GPR137B: variants seen among roughly 807,000 people sequenced by gnomAD.
GPR137B encodes the protein G protein-coupled receptor 137B.
Under a neutral mutation model 42.5 loss-of-function variants are expected in GPR137B, and 42 were observed. The observed-to-expected ratio is 0.99, with a 90% CI of 0.77 to 1.28. GPR137B has a LOEUF of 1.28. Ranked by LOEUF, GPR137B falls within the 50% of genes most tolerant of loss-of-function variation. The pLI is 0.00. For synonymous variants in GPR137B, 218 were observed against 209.7 expected, an observed-to-expected ratio of 1.04 and a Z score of -0.34; for missense variants, 487 against 493.9, an observed-to-expected ratio of 0.99 and a Z score of 0.13.
At chr1:236,203,334 C>T (rs1663554614) in intron 5 of GPR137B, among the ~76,000 whole-genome samples, 1 of 152,136 alleles carries the variant, frequency 6.6e-6, no homozygotes, top group African/African-American at 2.4e-5. Flanking sequence ...GCCTCAGCCT[C>T]CCAAAGTGCT....
Position 236,205,165 on chromosome 1 carries a change from A to G in GPR137B, c.1006A>G (p.Arg336Gly). The part of the protein sequence containing the change: ...GMVPSHGFSP[R>G]SYFFDNPRRY... ...GGTCCCCAGCCATGGATTCAGTCCCAGATCTTATTTCTTTGACAACCCTCG... is the reference window on the plus strand; with the variant it reads ...GGTCCCCAGCCATGGATTCAGTCCCGGATCTTATTTCTTTGACAACCCTCG... Residue 336 changes from arginine (R) to glycine (G), a missense_variant, in exon 6 of 7, where the codon AGA becomes GGA. Transcript: ENST00000366592. 1 of 1,613,192 alleles carries G rather than the reference A, an allele frequency of 6.2e-7. No homozygotes were observed. Among genetic ancestry groups the G allele is most frequent in the Non-Finnish European group, 8.5e-7 (1 of 1,179,152 alleles).
chr1:236,171,178 G>GT lies in GPR137B; in HGVS notation c.464+2424dup, dbSNP rs1283617131. ...TTTTGACTGCAATCCATCACATGAA[G>GT]TCAGGTGTGGAATTCTCCAGTTGTG... On this transcript the variant is annotated intron_variant, in intron 2 of 6. Transcript: ENST00000366592. This position sits in a 1 kb window ranked among gnomAD's most constrained non-coding sequence, Gnocchi z 4.4. Among the ~76,000 whole-genome samples the GT allele has an allele frequency of 6.6e-6, 1 of 152,188 alleles. No homozygotes were observed. Among genetic ancestry groups the GT allele is most frequent in the Non-Finnish European group, 1.5e-5 (1 of 68,038 alleles).
At chr1:236,165,470 G>A (rs563148691) in intron 1 of GPR137B, among the ~76,000 whole-genome samples, 51 of 152,312 alleles carry the variant, frequency 3.3e-4, no homozygotes, top group African/African-American at 1.2e-3. Context: ...GGCTAGAATG[G>A]TGAACTCCAG....
intron 1 of GPR137B, among the ~76,000 whole-genome samples, chr1:236,164,656 G>T (rs932950737): frequency 1.3e-5 from 2 of 152,106 alleles, no homozygotes; most frequent in Non-Finnish European, 2.9e-5. Flanking sequence ...TGAAAACTTG[G>T]TTTATGCCCT....
chr1:236,148,110 G>A (rs972021381), intron 1 of GPR137B, among the ~76,000 whole-genome samples: 2 of 152,224 alleles, frequency 1.3e-5, no homozygotes, highest in African/African-American at 2.4e-5. Flanking sequence ...CCTGTTCTAA[G>A]CGCTGTGTCA....
At chr1:236,168,672 G>A in intron 1 of GPR137B, 34 bp from the exon 2 acceptor site, 1 of 1,576,858 alleles carries the variant, frequency 6.3e-7, no homozygotes, top group South Asian at 1.1e-5. Flanking sequence ...CAACATATTG[G>A]ACCCCAACCT....
At chr1:236,149,333 G>A (rs549540282) in intron 1 of GPR137B, among the ~76,000 whole-genome samples, 105 of 152,284 alleles carry the variant, frequency 6.9e-4, no homozygotes, top group African/African-American at 2.4e-3. Flanking sequence ...CCGACCAGAG[G>A]AGGAAATTCT....
At chr1:236,181,555 A>T (rs12066706) in intron 4 of GPR137B, among the ~76,000 whole-genome samples, 2,033 of 152,312 alleles carry the variant, frequency 0.013, 53 homozygotes, top group African/African-American at 0.047. Context: ...TGAATACCTA[A>T]CCATCTATAA....
intron 2 of GPR137B, among the ~76,000 whole-genome samples, chr1:236,174,889 T>C (rs1330058875): frequency 6.6e-6 from 1 of 152,102 alleles, no homozygotes; most frequent in East Asian, 1.9e-4. Context: ...ACATGCTGGC[T>C]TGAGGGGGCA....
intron 4 of GPR137B, among the ~76,000 whole-genome samples, chr1:236,180,792 A>G (rs893260180): frequency 9.9e-5 from 15 of 151,754 alleles, no homozygotes; most frequent in African/African-American, 3.6e-4. Context: ...AATTTTTTGT[A>G]TTTTTAGTAG....
intron 1 of GPR137B, among the ~76,000 whole-genome samples, chr1:236,163,260 A>G (rs556605948): frequency 2.0e-5 from 3 of 152,302 alleles, no homozygotes; most frequent in African/African-American, 7.2e-5. Context: ...TATTTACCCA[A>G]TGCCTGTATC....
intron 6 of GPR137B, among the ~76,000 whole-genome samples, chr1:236,206,849 G>A (rs1663677284): frequency 6.6e-6 from 1 of 152,222 alleles, no homozygotes; most frequent in Non-Finnish European, 1.5e-5. Context: ...GGGGTGAGAG[G>A]AGCCAAAAGG....
chr1:236,157,247 C>T (rs1278041488), intron 1 of GPR137B, among the ~76,000 whole-genome samples: 4 of 140,162 alleles, frequency 2.9e-5, no homozygotes, highest in East Asian at 2.2e-4. Flanking sequence ...TTTTTTGAGA[C>T]GGAGTCCCGC....
chr1:236,145,441 C>G (rs1661655692), intron 1 of GPR137B, among the ~76,000 whole-genome samples: 1 of 152,202 alleles, frequency 6.6e-6, no homozygotes, highest in South Asian at 2.1e-4. Context: ...TCACTGCAGC[C>G]TCCGCCTCCC....
intron 1 of GPR137B, among the ~76,000 whole-genome samples, chr1:236,159,081 T>C (rs1327635316): frequency 6.6e-6 from 1 of 152,028 alleles, no homozygotes; most frequent in Non-Finnish European, 1.5e-5. Context: ...GAGGCCGAGA[T>C]GGGAGGATCA....
At position 236,142,734 on chromosome 1, in the gene GPR137B, C is replaced by A. The variant is rs913969654; in HGVS notation, c.112C>A (p.Pro38Thr). The change falls in exon 1 of 7, where the codon CCC (proline) becomes ACC (threonine). Residue 38 changes from proline to threonine, a missense_variant. Pro to Thr is a conservative substitution (Grantham distance 38). Coordinates refer to ENST00000366592, the MANE Select transcript of GPR137B (RefSeq NM_003272.4). ...GCCGCCCACGCTGACCCCGGCCGTG[C>A]CCCCCTACGTGAAGCTTGGCCTCAC... Reference protein sequence around the residue: ...SLPPTLTPAVPPYVKLGLTVV... With the variant: ...SLPPTLTPAVTPYVKLGLTVV... The A allele has an allele frequency of 2.5e-6, 4 of 1,609,618 alleles. No individual in the cohort carries two copies. The highest frequency in any genetic ancestry group is 2.5e-6 in the Non-Finnish European group (3 of 1,179,040).
chr1:236,149,305 C>T (rs1661770461), intron 1 of GPR137B, among the ~76,000 whole-genome samples: 1 of 152,190 alleles, frequency 6.6e-6, no homozygotes, highest in African/African-American at 2.4e-5. Flanking sequence ...GCAGCCCAGC[C>T]CCTCCTTTGC....
chr1:236,180,988 G>T (rs12071086), intron 4 of GPR137B, among the ~76,000 whole-genome samples: 11,588 of 152,188 alleles, frequency 0.076, 1,308 homozygotes, highest in African/African-American at 0.25. Context: ...TTTGCAGATA[G>T]TAAGCAAATT....
At chr1:236,185,608 T>C (rs917896940) in intron 5 of GPR137B, among the ~76,000 whole-genome samples, 1 of 152,182 alleles carries the variant, frequency 6.6e-6, no homozygotes, top group African/African-American at 2.4e-5. Context: ...CAGGCTGGAG[T>C]GCAGTGGCAC....
Sources: allele counts gnomAD v4.1 joint callset (sites outside exome capture counted in the v4.1 genomes callset), GRCh38; gene constraint gnomAD v4.1.1; non-coding constraint Gnocchi (gnomAD v3.1); transcripts MANE v1.5; gene names NCBI Gene and HGNC (gene_info 2026-07-23, HGNC 2026-07-21).